Variants in WDFY4 observed in about 807,000 individuals in gnomAD.
The protein encoded by WDFY4 is WDFY family member 4.
WDFY4 carries 169 observed loss-of-function variants against 351.9 expected under a neutral mutation model. The observed-to-expected ratio is 0.48, with a 90% confidence interval of 0.42 to 0.55. The LOEUF is 0.55. Among genes scored for constraint, WDFY4 ranks in the 20% least tolerant of loss-of-function variants. The pLI, the probability that WDFY4 is intolerant of heterozygous loss-of-function variation, is 0.00. For synonymous variants in WDFY4, 1,622 were observed against 1,574.6 expected (o/e 1.03, Z -0.71); for missense variants, 3,803 against 3,935.6 (o/e 0.97, Z 0.90).
intron 13 of WDFY4, among the ~76,000 whole-genome samples, chr10:48,763,541 C>A (rs369481593): frequency 6.6e-6 from 1 of 152,218 alleles, no homozygotes; most frequent in Admixed American, 6.5e-5. Context: ...AAATCCACTG[C>A]GGCCTCTTAC....
intron 2 of WDFY4, among the ~76,000 whole-genome samples, chr10:48,711,394 C>T (rs967715116): frequency 1.4e-4 from 22 of 152,168 alleles, no homozygotes; most frequent in African/African-American, 3.6e-4. Context: ...CTGGGAGGTG[C>T]GACAGTCTTA....
At chr10:48,953,554 C>T (rs549806637) in intron 51 of WDFY4, among the ~76,000 whole-genome samples, 2 of 152,278 alleles carry the variant, frequency 1.3e-5, no homozygotes, top group South Asian at 4.1e-4. Flanking sequence ...CTAAAGACAG[C>T]AGGTTAGATC....
intron 1 of WDFY4, among the ~76,000 whole-genome samples, chr10:48,708,993 A>C (rs2063703731): frequency 6.9e-6 from 1 of 144,458 alleles, no homozygotes; most frequent in South Asian, 2.2e-4. Context: ...GTGAAAAAAA[A>C]ACAAACAAAC....
chr10:48,761,314 G>A (rs1370223612), intron 13 of WDFY4, among the ~76,000 whole-genome samples: 1 of 152,190 alleles, frequency 6.6e-6, no homozygotes, highest in Non-Finnish European at 1.5e-5. Flanking sequence ...CACGTGAGTG[G>A]AGGGTGACAT....
intron 47 of WDFY4, among the ~76,000 whole-genome samples, chr10:48,905,477 G>T (rs1782783776): frequency 6.6e-6 from 1 of 152,176 alleles, no homozygotes; most frequent in South Asian, 2.1e-4. Flanking sequence ...GCCCCATTCT[G>T]ATTTTATTTC....
intron 1 of WDFY4, among the ~76,000 whole-genome samples, chr10:48,696,542 A>G (rs1212515603): frequency 6.6e-6 from 1 of 152,226 alleles, no homozygotes; most frequent in Non-Finnish European, 1.5e-5. Context: ...CCTGACATCC[A>G]ACAAACCAGC....
chr10:48,822,272 G>A (rs1412446722), intron 34 of WDFY4, 108 bp from the exon 35 acceptor site: 2 of 1,229,320 alleles, frequency 1.6e-6, no homozygotes, highest in South Asian at 2.1e-5. Flanking sequence ...GAACCATGGG[G>A]TACACAGAGG....
intron 1 of WDFY4, among the ~76,000 whole-genome samples, chr10:48,702,853 G>A (rs1283021438): frequency 6.6e-6 from 1 of 152,166 alleles, no homozygotes; most frequent in African/African-American, 2.4e-5. Context: ...ACCAGCAAGG[G>A]TGAGAGTGGT....
intron 58 of WDFY4, among the ~76,000 whole-genome samples, chr10:48,975,904 G>A (rs1028897894): frequency 6.6e-6 from 1 of 152,128 alleles, no homozygotes; most frequent in South Asian, 2.1e-4. Flanking sequence ...GTAGATGGTG[G>A]GTGAATGGAT....
intron 39 of WDFY4, among the ~76,000 whole-genome samples, chr10:48,834,273 A>AG (rs113605059): frequency 7.5e-6 from 1 of 134,172 alleles, no homozygotes; most frequent in East Asian, 1.9e-4. Flanking sequence ...CTGAATCTGA[A>AG]AAAAAAAAAG....
intron 47 of WDFY4, among the ~76,000 whole-genome samples, chr10:48,910,649 A>G (rs1177801200): frequency 6.6e-6 from 1 of 152,128 alleles, no homozygotes; most frequent in East Asian, 1.9e-4. Context: ...ATTGAGGCAA[A>G]TCCAGCCCAC....
intron 39 of WDFY4, among the ~76,000 whole-genome samples, chr10:48,840,490 C>A (rs1324102453): frequency 6.6e-6 from 1 of 151,762 alleles, no homozygotes; most frequent in East Asian, 1.9e-4. Context: ...CTCTTTCTCT[C>A]TCTCTCACAC....
intron 30 of WDFY4, among the ~76,000 whole-genome samples, chr10:48,813,367 C>G (rs1222793149): frequency 2.6e-5 from 4 of 152,160 alleles, no homozygotes; most frequent in African/African-American, 9.7e-5. Context: ...TTTTATTTCT[C>G]TAACATATCT....
chr10:48,826,726 G>C lies in WDFY4; in HGVS notation c.6038G>C (p.Ser2013Thr). 6.4e-7 allele frequency: 1 copy of C among 1,551,780 alleles called. No homozygotes were observed. The highest frequency in any genetic ancestry group is 8.7e-7 in the Non-Finnish European group (1 of 1,147,012). ...RDTVLSTLYS[S>T]LNKVILYCLS... is the part of the protein sequence containing the mutation. ...ACTGTCCTCAGCACTTTATACAGCA[G>C]TTTAAATAAAGTCATTCTTTATTGC... is the stretch of plus-strand genomic sequence containing the variant. The change falls in exon 36 of 62, where the codon AGT becomes ACT. Residue 2013 changes from serine to threonine, a missense_variant. By Grantham distance (58) the Ser-to-Thr change is moderately conservative. Transcript: ENST00000325239.
intron 1 of WDFY4, among the ~76,000 whole-genome samples, chr10:48,686,398 C>A (rs1157407505): frequency 6.6e-6 from 1 of 151,770 alleles, no homozygotes; most frequent in Non-Finnish European, 1.5e-5. Context: ...CAGCATAAAC[C>A]CTGTGTGCTG....
rs2066476189 is a variant in WDFY4 at position 48,787,867 on chromosome 10, CTTTCTTCTTTCTTT to C, written c.3809-662_3809-649del. Reference sequence around the variant, plus strand: ...CTTCTTCTTCTTCTTCTTTCTTCTTCTTTCTTCTTTCTTTCTTCTTCTTCTCCTTCTTCTTCTTC... The same window carrying C: ...CTTCTTCTTCTTCTTCTTTCTTCTTCCTTCTTCTTCTCCTTCTTCTTCTTC... On this transcript the variant is annotated intron_variant, in intron 20 of 61. Transcript: ENST00000325239. 2.4e-4 allele frequency among the ~76,000 whole-genome samples: 25 copies of C among 105,972 alleles called. 1 individual carries two copies. The highest frequency in any genetic ancestry group is 1.2e-3 in the African/African-American group (24 of 20,178). 69.5% of individuals were successfully genotyped at this position (105,972 alleles called of 152,430 possible). A position where few individuals can be genotyped will look rare whatever the true frequency, so the allele number is the denominator to read the frequency against.
Position 48,723,489 on chromosome 10 carries a change from T to A in WDFY4, c.513T>A (p.Leu171=), listed in dbSNP as rs1286589750. The change falls in exon 5 of 62, where the codon CTT becomes CTA. Residue 171 remains leucine (L), a synonymous_variant. Coordinates refer to ENST00000325239, the MANE Select transcript of WDFY4 (RefSeq NM_001394531.1). ...SGLPALLLQC[L]YLFFVFPLDK... ...TTCCAGCCCTGCTCCTACAGTGCCTTTACCTCTTCTTTGTCTTTCCTCTGG... is the reference window on the plus strand; with the variant it reads ...TTCCAGCCCTGCTCCTACAGTGCCTATACCTCTTCTTTGTCTTTCCTCTGG... 1.9e-6 allele frequency: 3 copies of A among 1,551,204 alleles called. No homozygotes were observed. Among genetic ancestry groups the A allele is most frequent in the Non-Finnish European group, 2.6e-6 (3 of 1,147,020 alleles).
At chr10:48,742,903 G>T (rs2064897103) in intron 11 of WDFY4, 65 bp from the exon 12 acceptor site, 10 of 1,423,650 alleles carry the variant, frequency 7.0e-6, no homozygotes, top group Non-Finnish European at 9.4e-6. Context: ...TGGCAGGAAT[G>T]TGTGTGGGCT....
At chr10:48,689,300 CCTTAAAAA>C (rs2063136782) in intron 1 of WDFY4, among the ~76,000 whole-genome samples, 1 of 152,216 alleles carries the variant, frequency 6.6e-6, no homozygotes, top group African/African-American at 2.4e-5. Context: ...TATCTGCACT[CCTTAAAAA>C]CTTAAATATC....
Sources: allele counts gnomAD v4.1 joint callset (sites outside exome capture counted in the v4.1 genomes callset), GRCh38; gene constraint gnomAD v4.1.1; transcripts MANE v1.5; gene names NCBI Gene and HGNC (gene_info 2026-07-23, HGNC 2026-07-21).